ROBO2: variants seen among roughly 807,000 people sequenced by gnomAD.
The protein encoded by ROBO2 is roundabout homolog 2.
ROBO2 carries 53 observed loss-of-function variants against 160.8 expected under a neutral mutation model. That is an observed-to-expected ratio of 0.33 (90% CI 0.26 to 0.41). The LOEUF (loss-of-function observed/expected upper bound fraction) is 0.41. Among genes scored for constraint, ROBO2 ranks in the 10% least tolerant of loss-of-function variants. The pLI is 1.00. For synonymous variants in ROBO2, 664 were observed against 611.7 expected, an observed-to-expected ratio of 1.09 and a Z score of -1.26; for missense variants, 1,577 against 1,722.4, an observed-to-expected ratio of 0.92 and a Z score of 1.49.
intron 2 of ROBO2, among the ~76,000 whole-genome samples, chr3:76,412,769 C>T (rs750638049): frequency 3.3e-5 from 5 of 152,176 alleles, no homozygotes; most frequent in Admixed American, 2.0e-4. Flanking sequence ...CACTGGCTGG[C>T]GTTGAGTGTC....
chr3:76,004,700 C>G (rs1324745290), intron 2 of ROBO2, among the ~76,000 whole-genome samples: 2 of 152,096 alleles, frequency 1.3e-5, no homozygotes, highest in African/African-American at 4.8e-5. Context: ...GCTCCAACTC[C>G]AAATACCGTT....
At chr3:77,612,389 G>C (rs1180604802) in intron 21 of ROBO2, among the ~76,000 whole-genome samples, 2 of 152,132 alleles carry the variant, frequency 1.3e-5, no homozygotes, top group African/African-American at 4.8e-5. Flanking sequence ...TGCTTGCAAT[G>C]GATTAAGACG....
In ROBO2 at chr3:76,046,511, T is replaced by C. The variant is rs374220945; in HGVS notation, c.109+108909T>C. Among the ~76,000 whole-genome samples the C allele has an allele frequency of 6.4e-4, 97 of 150,902 alleles. 1 individual carries two copies. The highest frequency in any genetic ancestry group is 2.3e-3 in the African/African-American group (93 of 40,354). ...AAAAATACAAAAAATTAGCCGGGCGTGGTGGCAGCGCCTGCAGTCCCAGCT... is the reference window on the plus strand; with the variant it reads ...AAAAATACAAAAAATTAGCCGGGCGCGGTGGCAGCGCCTGCAGTCCCAGCT... On this transcript the variant is annotated intron_variant, in intron 2 of 26. Coordinates refer to the ROBO2 transcript ENST00000487694.
At chr3:76,342,151 G>A (rs1296996056) in intron 2 of ROBO2, among the ~76,000 whole-genome samples, 6 of 152,092 alleles carry the variant, frequency 3.9e-5, no homozygotes, top group South Asian at 4.1e-4. Context: ...GATTCTGCCT[G>A]TGAGATCCTC....
chr3:76,634,836 G>T (rs1309819444), intron 2 of ROBO2, among the ~76,000 whole-genome samples: 1 of 152,194 alleles, frequency 6.6e-6, no homozygotes, highest in Non-Finnish European at 1.5e-5. Flanking sequence ...AGCAGGAGGT[G>T]CGCAGCAGGC....
chr3:77,580,007 C>T (rs1439004207), exon 16 of ROBO2: 2 of 1,613,690 alleles, frequency 1.2e-6, no homozygotes, highest in South Asian at 1.1e-5. Context: ...TGCAGCCATT[C>T]GGTCCGTAAT....
intron 2 of ROBO2, among the ~76,000 whole-genome samples, chr3:76,604,746 T>C (rs2087506241): frequency 6.6e-6 from 1 of 152,156 alleles, no homozygotes; most frequent in Non-Finnish European, 1.5e-5. Context: ...ATGTTGATTT[T>C]GTGTGTCTAT....
At chr3:77,366,428 A>G (rs1340385324) in intron 2 of ROBO2, among the ~76,000 whole-genome samples, 1 of 152,016 alleles carries the variant, frequency 6.6e-6, no homozygotes, top group East Asian at 1.9e-4. Flanking sequence ...CAGCCATATG[A>G]GGACTCTGAG....
At chr3:76,403,808 G>T (rs1218280124) in intron 2 of ROBO2, among the ~76,000 whole-genome samples, 1 of 151,574 alleles carries the variant, frequency 6.6e-6, no homozygotes, top group African/African-American at 2.4e-5. Context: ...TAGGTATTAA[G>T]TAATGTCAAC....
intron 2 of ROBO2, among the ~76,000 whole-genome samples, chr3:76,583,886 C>G (rs1403858141): frequency 1.3e-5 from 2 of 152,160 alleles, no homozygotes; most frequent in African/African-American, 2.4e-5. Context: ...TGCTTTTTCT[C>G]TATTATCATT....
intron 2 of ROBO2, among the ~76,000 whole-genome samples, chr3:75,946,509 A>G (rs1178930633): frequency 1.3e-5 from 2 of 152,094 alleles, no homozygotes; most frequent in Non-Finnish European, 2.9e-5. Context: ...TGTGAAGAAG[A>G]TTACATGTGG....
chr3:76,938,361 C>CA, intron 2 of ROBO2, among the ~76,000 whole-genome samples: 1 of 149,128 alleles, frequency 6.7e-6, no homozygotes, highest in Non-Finnish European at 1.5e-5. Context: ...CCCCACCTAC[C>CA]CCCCCCAAAA....
At chr3:76,963,489 A>C (rs1239990162) in intron 2 of ROBO2, among the ~76,000 whole-genome samples, 1 of 152,192 alleles carries the variant, frequency 6.6e-6, no homozygotes, top group Non-Finnish European at 1.5e-5. Context: ...GAAAGAAGTA[A>C]AATTTTATGG....
At chr3:76,118,867 G>A (rs934379608) in intron 2 of ROBO2, among the ~76,000 whole-genome samples, 4 of 152,224 alleles carry the variant, frequency 2.6e-5, no homozygotes, top group Non-Finnish European at 4.4e-5. Context: ...AATGGGCACC[G>A]TTTAATTAAA....
At chr3:77,604,276 A>G (rs2094485242) in intron 20 of ROBO2, among the ~76,000 whole-genome samples, 2 of 152,164 alleles carry the variant, frequency 1.3e-5, no homozygotes, top group Non-Finnish European at 2.9e-5. Context: ...ATTTATTTAT[A>G]ATAAGTCTCA....
At chr3:77,605,183 A>T (rs907221496) in intron 20 of ROBO2, among the ~76,000 whole-genome samples, 1 of 149,110 alleles carries the variant, frequency 6.7e-6, no homozygotes, top group African/African-American at 2.5e-5. Context: ...AAAAAAGTAT[A>T]TATATAGTAT....
chr3:77,441,154 C>T (rs1486639204), intron 2 of ROBO2, among the ~76,000 whole-genome samples: 1 of 151,954 alleles, frequency 6.6e-6, no homozygotes, highest in Non-Finnish European at 1.5e-5. Flanking sequence ...TTGTGCCATT[C>T]GTTGCCCAAC....
At chr3:76,149,599 C>A (rs1471754225) in intron 2 of ROBO2, among the ~76,000 whole-genome samples, 1 of 123,904 alleles carries the variant, frequency 8.1e-6, no homozygotes, top group Non-Finnish European at 1.8e-5. Flanking sequence ...GTCTAAAACA[C>A]ACATCATCTG....
At chr3:76,366,938 A>C (rs2075844831) in intron 2 of ROBO2, among the ~76,000 whole-genome samples, 1 of 151,996 alleles carries the variant, frequency 6.6e-6, no homozygotes, top group Non-Finnish European at 1.5e-5. Flanking sequence ...TTTTGTTTTA[A>C]ACTATAATAG....
Sources: allele counts gnomAD v4.1 joint callset (sites outside exome capture counted in the v4.1 genomes callset), GRCh38; gene constraint gnomAD v4.1.1; transcripts MANE v1.5; gene names NCBI Gene and HGNC (gene_info 2026-07-23, HGNC 2026-07-21).